Variants in RIMS1 observed in about 807,000 individuals in gnomAD.
RIMS1 encodes regulating synaptic membrane exocytosis protein 1.
RIMS1 carries 83 observed loss-of-function variants against 214.1 expected under a neutral mutation model. The observed-to-expected ratio is 0.39, with a 90% CI of 0.32 to 0.47. The LOEUF is 0.47. Ranked by LOEUF, RIMS1 falls within the 20% of genes least tolerant of loss-of-function variation. The pLI is 0.99. For synonymous variants in RIMS1, 793 were observed against 786.8 expected, an observed-to-expected ratio of 1.01 and a Z score of -0.13; for missense variants, 2,050 against 2,161.8, an observed-to-expected ratio of 0.95 and a Z score of 1.03.
intron 8 of RIMS1, among the ~76,000 whole-genome samples, chr6:72,236,250 T>G (rs1421045312): frequency 6.6e-6 from 1 of 152,132 alleles, no homozygotes; most frequent in Non-Finnish European, 1.5e-5. Context: ...AAACATAGAT[T>G]TTAAAATATT....
At chr6:72,260,355 T>C (rs911151006) in intron 18 of RIMS1, among the ~76,000 whole-genome samples, 2 of 152,102 alleles carry the variant, frequency 1.3e-5, no homozygotes, top group African/African-American at 4.8e-5. Context: ...CCCATTAGTA[T>C]CAGGCCAAAT....
intron 4 of RIMS1, among the ~76,000 whole-genome samples, chr6:72,105,245 T>C (rs2034508086): frequency 1.3e-5 from 2 of 152,136 alleles, no homozygotes; most frequent in Admixed American, 1.3e-4. Flanking sequence ...TTTATTCATT[T>C]TTTATTCATT....
intron 23 of RIMS1, among the ~76,000 whole-genome samples, chr6:72,275,104 G>C (rs1205020179): frequency 1.7e-5 from 2 of 114,304 alleles, no homozygotes; most frequent in Admixed American, 1.9e-4. Flanking sequence ...AGTTGACCCA[G>C]TTTTCCTATT....
intron 24 of RIMS1, among the ~76,000 whole-genome samples, chr6:72,285,555 G>T (rs2091989988): frequency 6.6e-6 from 1 of 151,736 alleles, no homozygotes. Context: ...TGGAGAAATT[G>T]ACTATTTAGG....
At chr6:72,385,503 C>G (rs924120940) in intron 29 of RIMS1, among the ~76,000 whole-genome samples, 2 of 145,156 alleles carry the variant, frequency 1.4e-5, no homozygotes, top group Non-Finnish European at 3.1e-5. Flanking sequence ...TAAATAAGAC[C>G]AGACTTTACA....
At chr6:71,994,506 G>GCTATT (rs1328071884) in intron 2 of RIMS1, among the ~76,000 whole-genome samples, 5 of 152,236 alleles carry the variant, frequency 3.3e-5, no homozygotes, top group African/African-American at 1.2e-4. Flanking sequence ...GCACTCTTTA[G>GCTATT]ACAAGTCATT....
chr6:72,182,265 G>T lies in RIMS1; in HGVS notation c.813-19G>T, dbSNP rs776869619. The stretch of plus-strand genomic sequence containing the variant: ...GTCTTTATAAATTGCTCTCCTTGAC[G>T]TTCCTTTGTATATCATAGAAAGAAG... On this transcript the variant is annotated intron_variant, in intron 5 of 33. Transcript: ENST00000521978. The T allele has an allele frequency of 2.0e-6, 3 of 1,537,960 alleles. No individual in the cohort carries two copies. Among genetic ancestry groups the T allele is most frequent in the South Asian group, 1.3e-5 (1 of 78,006 alleles).
intron 19 of RIMS1, chr6:72,263,203 A>G (rs547090616): frequency 9.2e-5 from 91 of 985,234 alleles, no homozygotes; most frequent in Admixed American, 1.2e-4. Flanking sequence ...CAGCATATTA[A>G]AGTCATGTTC....
At position 72,182,185 on chromosome 6, in the gene RIMS1, T is replaced by A. The variant is rs2048497657; in HGVS notation, c.813-99T>A. Reference sequence around the variant, plus strand: ...GATCCAAATCCCTATAACTAATTATTGTAACTGAAATGATTTAAGACTGGA... The same window carrying A: ...GATCCAAATCCCTATAACTAATTATAGTAACTGAAATGATTTAAGACTGGA... On this transcript the variant is annotated intron_variant, in intron 5 of 33. Transcript: ENST00000521978. 24 of 1,302,140 alleles carry A rather than the reference T, an allele frequency of 1.8e-5. 1 individual carries two copies. The South Asian group carries it at 3.8e-4, about 21-fold the overall frequency. 80.7% of individuals were successfully genotyped at this position (1,302,140 alleles called of 1,614,324 possible).
chr6:72,398,277 A>C lies in RIMS1; in HGVS notation c.4647A>C (p.Lys1549Asn). The C allele has an allele frequency of 7.5e-6, 12 of 1,608,680 alleles. No homozygotes were observed. The highest frequency in any genetic ancestry group is 8.5e-6 in the Non-Finnish European group (10 of 1,177,490). ...MGDIQIGMED[K>N]KGQLEVEVIR... Reference sequence around the variant, plus strand: ...ATATACAAATAGGAATGGAGGACAAAAAGGGCCAATTAGAAGTGGAAGTCA... The same window carrying C: ...ATATACAAATAGGAATGGAGGACAACAAGGGCCAATTAGAAGTGGAAGTCA... Residue 1549 changes from lysine to asparagine, a missense_variant, in exon 32 of 34, where the codon AAA becomes AAC. Lys to Asn is a moderately conservative substitution (Grantham distance 94). Transcript: ENST00000521978.
intron 6 of RIMS1, among the ~76,000 whole-genome samples, chr6:72,186,450 CA>C: frequency 6.6e-6 from 1 of 152,158 alleles, no homozygotes; most frequent in East Asian, 1.9e-4. Context: ...ATGATTATCA[CA>C]AAAAGTTCCA....
At chr6:71,960,627 G>A (rs146178739) in intron 1 of RIMS1, among the ~76,000 whole-genome samples, 5 of 152,172 alleles carry the variant, frequency 3.3e-5, no homozygotes, top group African/African-American at 1.2e-4. Context: ...AATATTAGAT[G>A]TCCTTGTAGT....
Position 72,242,406 on chromosome 6 carries a change from C to T in RIMS1, c.2050C>T (p.Gln684Ter). The T allele has an allele frequency of 6.4e-7, 1 of 1,560,884 alleles. No homozygotes were observed. The change falls in exon 10 of 34, where the codon CAA (glutamine) becomes TAA (stop). Residue 684 changes from glutamine (Q) to a stop codon, truncating the protein, a stop_gained. Coordinates refer to ENST00000521978, the MANE Select transcript of RIMS1 (RefSeq NM_014989.7). LOFTEE classifies it high-confidence loss of function. ...TATTTTAGAATCAAAATCAGAACCT[C>T]AAGTTGAAATTATTGTTTCAAGGCC... ...NIILESKSEPQVEIIVSRPIG... is the reference protein window; with the variant it reads ...NIILESKSEP
At chr6:72,038,118 A>ATATAT (rs1326074998) in intron 2 of RIMS1, among the ~76,000 whole-genome samples, 1 of 13,418 alleles carries the variant, frequency 7.5e-5, no homozygotes, top group Admixed American at 1.4e-3. Context: ...AAAAAAAAAA[A>ATATAT]ATATATATAT....
At chr6:72,006,400 G>A (rs1807651864) in intron 2 of RIMS1, among the ~76,000 whole-genome samples, 1 of 152,202 alleles carries the variant, frequency 6.6e-6, no homozygotes, top group Admixed American at 6.5e-5. Flanking sequence ...CTCCCAGCGT[G>A]AGCAACGCAG....
chr6:71,926,089 CCCAGTCTCACT>C (rs1781487622), intron 1 of RIMS1, among the ~76,000 whole-genome samples: 3 of 152,144 alleles, frequency 2.0e-5, no homozygotes, highest in Admixed American at 1.3e-4. Context: ...GTTGTTGAGA[CCCAGTCTCACT>C]CTGTCACCAG....
intron 9 of RIMS1, 66 bp from the exon 10 acceptor site, chr6:72,242,241 TAAAAAAG>T (rs1341832010): frequency 3.2e-6 from 4 of 1,239,918 alleles, no homozygotes; most frequent in African/African-American, 1.5e-5. Context: ...ATTTCTTTGT[TAAAAAAG>T]AGAAAAGATA....
At chr6:71,994,403 A>T (rs994753483) in intron 2 of RIMS1, among the ~76,000 whole-genome samples, 1 of 152,196 alleles carries the variant, frequency 6.6e-6, no homozygotes, top group Non-Finnish European at 1.5e-5. Context: ...GATAATTGTC[A>T]TTGGAAGGAT....
chr6:71,952,363 C>A (rs1441229770), intron 1 of RIMS1, among the ~76,000 whole-genome samples: 2 of 152,102 alleles, frequency 1.3e-5, no homozygotes, highest in Admixed American at 1.3e-4. Flanking sequence ...TATTGAGCAC[C>A]TATTATGTGC....
Sources: gnomAD v4.1 joint callset for allele counts (sites outside exome capture counted in the v4.1 genomes callset) on GRCh38, gnomAD v4.1.1 for gene constraint, MANE v1.5 for transcripts, NCBI Gene and HGNC (gene_info 2026-07-23, HGNC 2026-07-21) for gene names.